Variants in EDNRA observed in about 807,000 individuals in gnomAD.
EDNRA encodes endothelin-1 receptor.
EDNRA carries 11 observed loss-of-function variants against 41.4 expected under a neutral mutation model. That is an observed-to-expected ratio of 0.27 (90% CI 0.17 to 0.44). The LOEUF is 0.44. Ranked by LOEUF, EDNRA falls within the 20% of genes least tolerant of loss-of-function variation. EDNRA has a pLI of 1.00. For missense variants in EDNRA, 294 were observed against 531.0 expected (o/e 0.55, Z 4.39); for synonymous variants, 172 against 183.0 (o/e 0.94, Z 0.49).
intron 3 of EDNRA, among the ~76,000 whole-genome samples, chr4:147,523,211 A>G (rs750155239): frequency 6.6e-6 from 1 of 152,254 alleles, no homozygotes; most frequent in Non-Finnish European, 1.5e-5. Context: ...AAAAGGTGCC[A>G]GACTCTTAGT....
chr4:147,499,205 G>A (rs188060619), intron 2 of EDNRA, among the ~76,000 whole-genome samples: 38 of 152,250 alleles, frequency 2.5e-4, no homozygotes, highest in Admixed American at 8.5e-4. Flanking sequence ...ACAGGCACAT[G>A]CCACCATGCC....
Position 147,486,156 on chromosome 4 carries a change from G to T in EDNRA, c.420+55G>T. 6.5e-7 allele frequency: 1 copy of T among 1,533,688 alleles called. No homozygotes were observed. Among genetic ancestry groups the T allele is most frequent in the Non-Finnish European group, 8.8e-7 (1 of 1,139,314 alleles). On this transcript the variant is annotated intron_variant, in intron 2 of 7. Coordinates refer to ENST00000651419, the MANE Select transcript of EDNRA (RefSeq NM_001957.4). This position sits in a 1 kb window ranked among gnomAD's most constrained non-coding sequence, Gnocchi z 4.3. ...ATTTAAACCCATGCTCTGATTCCAC[G>T]TGGAGAGTTGCTGCAGACTTTTCTG...
At chr4:147,530,841 C>T (rs1384600694) in intron 3 of EDNRA, among the ~76,000 whole-genome samples, 1 of 152,104 alleles carries the variant, frequency 6.6e-6, no homozygotes, top group Non-Finnish European at 1.5e-5. Flanking sequence ...CTTTGCATGT[C>T]CTGCAAACCC....
At chr4:147,537,167 C>T (rs1730946892) in intron 5 of EDNRA, among the ~76,000 whole-genome samples, 1 of 152,186 alleles carries the variant, frequency 6.6e-6, no homozygotes, top group African/African-American at 2.4e-5. Context: ...TCATCAGCAA[C>T]TCTTCAACTA....
intron 2 of EDNRA, among the ~76,000 whole-genome samples, chr4:147,498,884 C>G (rs954940082): frequency 1.3e-5 from 2 of 152,210 alleles, no homozygotes; most frequent in African/African-American, 4.8e-5. Context: ...GGATTACAGG[C>G]ATGAGCCACT....
intron 2 of EDNRA, chr4:147,490,410 AAAGCAGG>A (rs1729100548): frequency 6.6e-6 from 1 of 152,232 alleles, no homozygotes; most frequent in African/African-American, 2.4e-5. Context: ...AAGATTGACA[AAAGCAGG>A]AAGGAGGAAG....
At chr4:147,524,374 T>C (rs1222621901) in intron 3 of EDNRA, among the ~76,000 whole-genome samples, 1 of 151,960 alleles carries the variant, frequency 6.6e-6, no homozygotes. Context: ...TCGGGTCACC[T>C]CACCCAATAC....
intron 2 of EDNRA, among the ~76,000 whole-genome samples, chr4:147,503,883 T>A (rs141781345): frequency 9.9e-4 from 150 of 152,164 alleles, no homozygotes; most frequent in African/African-American, 3.3e-3. Flanking sequence ...TTATAAAAAA[T>A]ATTTATTAAT....
chr4:147,517,583 C>T (rs1730160344), intron 2 of EDNRA, among the ~76,000 whole-genome samples: 1 of 152,206 alleles, frequency 6.6e-6, no homozygotes, highest in African/African-American at 2.4e-5. Context: ...ACAGTGATTA[C>T]ACCTAATAAT....
Position 147,539,835 on chromosome 4 carries a change from A to G in EDNRA, c.919A>G (p.Thr307Ala). 6.2e-7 allele frequency: 1 copy of G among 1,608,992 alleles called. No individual in the cohort carries two copies. The highest frequency in any genetic ancestry group is 8.5e-7 in the Non-Finnish European group (1 of 1,179,072). ...CCTTTAGCGTCGAGAAGTGGCAAAA[A>G]CAGTTTTCTGCTTGGTTGTAATTTT... ...HLKQRREVAKTVFCLVVIFAL... is the reference protein window; with the variant it reads ...HLKQRREVAKAVFCLVVIFAL... Residue 307 changes from threonine (T) to alanine (A), a missense_variant, in exon 6 of 8, where the codon ACA (threonine) becomes GCA (alanine). By Grantham distance (58) the Thr-to-Ala change is moderately conservative. Coordinates refer to ENST00000651419, the MANE Select transcript of EDNRA (RefSeq NM_001957.4).
intron 2 of EDNRA, chr4:147,489,026 C>G (rs1035534583): frequency 2.0e-5 from 3 of 152,026 alleles, no homozygotes; most frequent in African/African-American, 7.2e-5. Flanking sequence ...GATGTGTGAG[C>G]CTTCTTTATT....
Position 147,519,168 on chromosome 4 carries a change from T to C in EDNRA, c.421-683T>C, listed in dbSNP as rs1198102763. 6.6e-6 allele frequency among the ~76,000 whole-genome samples: 1 copy of C among 152,168 alleles called. No individual in the cohort carries two copies. The highest frequency in any genetic ancestry group is 1.5e-5 in the Non-Finnish European group (1 of 68,024). ...TTGAGCCTAAATAGAGAAAAGCCAC[T>C]TACATCACATCTACTGAAGCAGAGT... On this transcript the variant is annotated intron_variant, in intron 2 of 7. Transcript: ENST00000651419. This position sits in a 1 kb window ranked among gnomAD's most constrained non-coding sequence, Gnocchi z 4.1.
intron 3 of EDNRA, among the ~76,000 whole-genome samples, chr4:147,523,577 G>A (rs1167448128): frequency 1.1e-3 from 164 of 150,094 alleles, no homozygotes; most frequent in African/African-American, 3.7e-3. Context: ...TGCAAGCTCC[G>A]CCTCCCAGGT....
chr4:147,496,262 C>T (rs1300682255), intron 2 of EDNRA, among the ~76,000 whole-genome samples: 2 of 152,142 alleles, frequency 1.3e-5, no homozygotes. Flanking sequence ...TTTCAGTTTT[C>T]ACCAAATAGA....
chr4:147,516,790 C>A lies in EDNRA; in HGVS notation c.421-3061C>A, dbSNP rs114954604. ...TTAACATTAGTGAAATCAGTGAGTT[C>A]TTTGCCATGGTCTAGGATGTATTCT... On this transcript the variant is annotated intron_variant, in intron 2 of 7. Coordinates refer to ENST00000651419, the MANE Select transcript of EDNRA (RefSeq NM_001957.4). Among the ~76,000 whole-genome samples, 475 of 152,012 alleles carry A rather than the reference C, an allele frequency of 3.1e-3. 2 individuals carry two copies. Among genetic ancestry groups the A allele is most frequent in the African/African-American group, 0.011 (450 of 41,468 alleles).
In EDNRA at chr4:147,539,861, TG is replaced by T; in HGVS notation, c.946del (p.Ala316LeufsTer9). ...KTVFCLVVIF[A>X]LCWFPLHLSR... ...CAGTTTTCTGCTTGGTTGTAATTTT[TG>T]CTCTTTGCTGGTTCCCTCTTCATTT... On this transcript the variant is annotated frameshift_variant, in exon 6 of 8. Transcript: ENST00000651419. LOFTEE classifies it high-confidence loss of function. The T allele has an allele frequency of 6.2e-7, 1 of 1,613,068 alleles. No individual in the cohort carries two copies.
intron 2 of EDNRA, among the ~76,000 whole-genome samples, chr4:147,508,295 C>G (rs989525428): frequency 1.3e-5 from 2 of 152,086 alleles, no homozygotes; most frequent in African/African-American, 2.4e-5. Context: ...TGCACCACCA[C>G]GCCTGGCTAA....
chr4:147,494,453 A>G (rs1729241287), intron 2 of EDNRA: 2 of 152,264 alleles, frequency 1.3e-5, no homozygotes, highest in African/African-American at 4.8e-5. Context: ...GCCACTATGT[A>G]AGGTAAGAGC....
At chr4:147,532,316 A>AT (rs1730776341) in intron 3 of EDNRA, among the ~76,000 whole-genome samples, 190 bp from the exon 4 acceptor site, 1 of 106,272 alleles carries the variant, frequency 9.4e-6, no homozygotes, top group Non-Finnish European at 1.8e-5. Context: ...ACAGAGCGAG[A>AT]TTTTGCCTCA....
Sources: gnomAD v4.1 joint callset for allele counts (sites outside exome capture counted in the v4.1 genomes callset) on GRCh38, gnomAD v4.1.1 for gene constraint, Gnocchi (gnomAD v3.1) non-coding constraint, MANE v1.5 for transcripts, NCBI Gene and HGNC (gene_info 2026-07-23, HGNC 2026-07-21) for gene names.